The following NSMAF variants were observed in gnomAD, a reference collection of about 807,000 sequenced individuals.
NSMAF encodes neutral sphingomyelinase activation associated factor.
NSMAF carries 90 observed loss-of-function variants against 134.9 expected under a neutral mutation model. That is an observed-to-expected ratio of 0.67 (90% CI 0.56 to 0.79). The LOEUF (loss-of-function observed/expected upper bound fraction) is 0.79. Among genes scored for constraint, NSMAF ranks in the 30% least tolerant of loss-of-function variants. The pLI is 0.00. For missense variants in NSMAF, 1,010 were observed against 1,119.0 expected, an observed-to-expected ratio of 0.90 and a Z score of 1.39; for synonymous variants, 358 against 389.6, an observed-to-expected ratio of 0.92 and a Z score of 0.96.
At chr8:58,589,956 A>C (rs763084205) in intron 25 of NSMAF, 51 bp downstream of exon 25, 1 of 1,485,336 alleles carries the variant, frequency 6.7e-7, no homozygotes, top group South Asian at 1.1e-5. Flanking sequence ...ATGTCCACAG[A>C]GGCAGCTATT....
chr8:58,585,781 A>G lies in NSMAF; in HGVS notation c.2550-20T>C. On this transcript the variant is annotated intron_variant, in intron 29 of 30. Coordinates refer to ENST00000038176, the MANE Select transcript of NSMAF (RefSeq NM_003580.4). ...AAGCACCTGCAAGAATGATTTAGAA[A>G]TAGTCCTTTCTTCATCATGAAGGAA... 6.2e-7 allele frequency: 1 copy of G among 1,607,992 alleles called. No homozygotes were observed. The highest frequency in any genetic ancestry group is 8.5e-7 in the Non-Finnish European group (1 of 1,174,368).
chr8:58,624,822 C>T (rs938155939), intron 6 of NSMAF, among the ~76,000 whole-genome samples: 2 of 152,176 alleles, frequency 1.3e-5, no homozygotes, highest in Non-Finnish European at 2.9e-5. Flanking sequence ...GAACGTTCTA[C>T]CCATTGTCGA....
At chr8:58,638,457 TG>T (rs60663073) in intron 2 of NSMAF, among the ~76,000 whole-genome samples, 9,192 of 152,118 alleles carry the variant, frequency 0.06, 689 homozygotes, top group African/African-American at 0.18. Context: ...TACAGACCAA[TG>T]GAACACAATA....
At chr8:58,605,136 A>C (rs896584022) in intron 12 of NSMAF, among the ~76,000 whole-genome samples, 3 of 152,234 alleles carry the variant, frequency 2.0e-5, no homozygotes, top group African/African-American at 7.2e-5. Flanking sequence ...TGTAATAAAA[A>C]AACTTTGGGC....
chr8:58,583,686 G>A lies in NSMAF; in HGVS notation c.*420C>T. ...AACACACACCCAAAACCCGATGGGT[G>A]GCAATTGTGATAGATTAGGAAGACA... On this transcript the variant is annotated 3_prime_UTR_variant, in exon 31 of 31. Transcript: ENST00000038176. The A allele has an allele frequency of 4.4e-6, 1 of 225,982 alleles. No individual in the cohort carries two copies. The highest frequency in any genetic ancestry group is 5.7e-5 in the South Asian group (1 of 17,540). 14.0% of individuals were successfully genotyped at this position (225,982 alleles called of 1,614,324 possible). A position where few individuals can be genotyped will look rare whatever the true frequency, so the allele number is the denominator to read the frequency against.
At chr8:58,586,995 G>A (rs1403021206) in intron 27 of NSMAF, among the ~76,000 whole-genome samples, 1 of 152,134 alleles carries the variant, frequency 6.6e-6, no homozygotes, top group African/African-American at 2.4e-5. Flanking sequence ...GGAATCTCTC[G>A]AGGCTATACT....
At chr8:58,618,694 G>A (rs937073484) in intron 9 of NSMAF, among the ~76,000 whole-genome samples, 3 of 152,092 alleles carry the variant, frequency 2.0e-5, no homozygotes, top group Admixed American at 6.5e-5. Context: ...TTAACATCTG[G>A]TGAATCATAG....
chr8:58,599,505 T>C, intron 18 of NSMAF, 142 bp from the exon 19 acceptor site: 1 of 1,076,332 alleles, frequency 9.3e-7, no homozygotes, highest in African/African-American at 1.6e-5. Context: ...TTCTATCATA[T>C]GAAATGTAAG....
chr8:58,648,108 G>C (rs1356068393), intron 1 of NSMAF, among the ~76,000 whole-genome samples: 2 of 152,218 alleles, frequency 1.3e-5, no homozygotes, highest in African/African-American at 2.4e-5. Context: ...AAATGAATGG[G>C]AACTGAAACA....
At chr8:58,591,296 CTAAATAAGACAA>C (rs1363674629) in intron 23 of NSMAF, among the ~76,000 whole-genome samples, 4 of 151,866 alleles carry the variant, frequency 2.6e-5, no homozygotes, top group Non-Finnish European at 5.9e-5. Flanking sequence ...AATTTTAATA[CTAAATAAGACAA>C]AAAGATCTTG....
chr8:58,657,976 G>GAGCT (rs1409488824), intron 1 of NSMAF, among the ~76,000 whole-genome samples: 5 of 152,312 alleles, frequency 3.3e-5, no homozygotes, highest in African/African-American at 1.2e-4. Context: ...GGAGCTGTAT[G>GAGCT]AGCTAGCCAA....
At chr8:58,657,322 C>T (rs533710215) in intron 1 of NSMAF, among the ~76,000 whole-genome samples, 5 of 152,300 alleles carry the variant, frequency 3.3e-5, no homozygotes, top group African/African-American at 1.2e-4. Context: ...CCTTAATTAG[C>T]ATGAGAGCCG....
intron 12 of NSMAF, among the ~76,000 whole-genome samples, chr8:58,604,718 T>A (rs1169647196): frequency 6.6e-6 from 1 of 152,074 alleles, no homozygotes; most frequent in Non-Finnish European, 1.5e-5. Context: ...ATTAAGATGA[T>A]ATTAATAAAA....
intron 6 of NSMAF, chr8:58,631,237 T>C: frequency 3.3e-6 from 1 of 299,992 alleles, no homozygotes; most frequent in Non-Finnish European, 6.2e-6. Flanking sequence ...AAATAATGCA[T>C]ATTCTGATTT....
Position 58,605,912 on chromosome 8 carries a change from G to A in NSMAF, c.868+15C>T. On this transcript the variant is annotated intron_variant, in intron 12 of 30. Transcript: ENST00000038176. ...AAAAAAAAAAGAAAGAAACAATGAA[G>A]GGTGAGCGCCAAACCTAGGTATGTG... The A allele has an allele frequency of 6.5e-7, 1 of 1,536,918 alleles. No homozygotes were observed. The highest frequency in any genetic ancestry group is 8.7e-7 in the Non-Finnish European group (1 of 1,150,684).
chr8:58,585,284 T>G (rs1401859246), intron 30 of NSMAF, among the ~76,000 whole-genome samples: 1 of 151,820 alleles, frequency 6.6e-6, no homozygotes, highest in East Asian at 1.9e-4. Context: ...GAAGCCTTAA[T>G]TTTCATTGTA....
At chr8:58,606,597 C>T (rs1349322768) in intron 11 of NSMAF, among the ~76,000 whole-genome samples, 1 of 152,062 alleles carries the variant, frequency 6.6e-6, no homozygotes, top group Non-Finnish European at 1.5e-5. Context: ...ATTATGCACA[C>T]CTAACAAATT....
At chr8:58,593,310 A>C (rs1806061630) in intron 23 of NSMAF, among the ~76,000 whole-genome samples, 1 of 152,244 alleles carries the variant, frequency 6.6e-6, no homozygotes, top group Admixed American at 6.5e-5. Flanking sequence ...TTTTATATAC[A>C]ATCCAAGACA....
intron 9 of NSMAF, among the ~76,000 whole-genome samples, chr8:58,613,432 G>T (rs977441191): frequency 6.6e-6 from 1 of 152,040 alleles, no homozygotes; most frequent in African/African-American, 2.4e-5. Context: ...GGTACATATT[G>T]TAATCTCTAG....
Sources: allele counts gnomAD v4.1 joint callset (sites outside exome capture counted in the v4.1 genomes callset), GRCh38; gene constraint gnomAD v4.1.1; transcripts MANE v1.5; gene names NCBI Gene and HGNC (gene_info 2026-07-23, HGNC 2026-07-21).